Variants in XKR6 observed in about 807,000 individuals in gnomAD.
XKR6 encodes XK-related protein 6.
In XKR6, 22 loss-of-function variants were observed where a neutral mutation model predicts 56.7. The observed-to-expected ratio is 0.39, with a 90% confidence interval of 0.28 to 0.55. The LOEUF (loss-of-function observed/expected upper bound fraction) is 0.55, where lower values mean the gene tolerates loss of function less well. Among genes scored for constraint, XKR6 ranks in the 20% least tolerant of loss-of-function variants. XKR6 has a pLI of 0.66. For missense variants in XKR6, 852 were observed against 889.0 expected (o/e 0.96, Z 0.53); for synonymous variants, 524 against 387.8 (o/e 1.35, Z -4.13).
intron 1 of XKR6, among the ~76,000 whole-genome samples, chr8:11,090,480 C>T (rs1159528612): frequency 6.6e-6 from 1 of 152,018 alleles, no homozygotes; most frequent in Non-Finnish European, 1.5e-5. Context: ...GGCAATGACA[C>T]CAGCAGATGG....
intron 1 of XKR6, among the ~76,000 whole-genome samples, chr8:10,994,525 C>A (rs1225388241): frequency 6.6e-6 from 1 of 152,188 alleles, no homozygotes; most frequent in African/African-American, 2.4e-5. Context: ...CATGCCTGGT[C>A]CCCACATGGT....
chr8:10,897,992 G>C lies in XKR6; in HGVS notation c.1886C>G (p.Pro629Arg). Residue 629 changes from proline to arginine, a missense_variant, in exon 3 of 3, where the codon CCA becomes CGA. Transcript: ENST00000416569. Reference protein sequence around the residue: ...TAVGIRYRDGPLLYELLQYES... With the variant: ...TAVGIRYRDGRLLYELLQYES... ...ATACTGTAGCAACTCATAGAGGAGT[G>C]GTCCGTCTCGATATCGAATGCCTAC... The C allele has an allele frequency of 6.2e-7, 1 of 1,608,958 alleles. No individual in the cohort carries two copies. Among genetic ancestry groups the C allele is most frequent in the Non-Finnish European group, 8.5e-7 (1 of 1,177,808 alleles).
intron 2 of XKR6, among the ~76,000 whole-genome samples, chr8:10,909,857 A>G (rs1416134128): frequency 6.6e-6 from 1 of 152,210 alleles, no homozygotes; most frequent in Non-Finnish European, 1.5e-5. Context: ...CAATAATCCC[A>G]TGAGAATGCC....
intron 1 of XKR6, among the ~76,000 whole-genome samples, chr8:11,013,520 G>A (rs898805460): frequency 6.6e-6 from 1 of 152,174 alleles, no homozygotes; most frequent in African/African-American, 2.4e-5. Flanking sequence ...GATGGCAAAG[G>A]ACTTAACTGT....
chr8:10,953,148 T>C (rs775371455), intron 1 of XKR6, among the ~76,000 whole-genome samples: 6 of 152,166 alleles, frequency 3.9e-5, no homozygotes, highest in African/African-American at 7.2e-5. Flanking sequence ...ATAGTAGAAA[T>C]AAAGTGTACA....
intron 1 of XKR6, among the ~76,000 whole-genome samples, chr8:10,978,003 T>A (rs1802618748): frequency 6.6e-6 from 1 of 152,148 alleles, no homozygotes; most frequent in Admixed American, 6.6e-5. Flanking sequence ...TTTGCTCTTT[T>A]GATTAACATT....
chr8:10,899,243 G>A (rs1327270068), intron 2 of XKR6, among the ~76,000 whole-genome samples: 1 of 152,214 alleles, frequency 6.6e-6, no homozygotes, highest in Non-Finnish European at 1.5e-5. Context: ...CCGCCTTAAG[G>A]AATCATGCGA....
chr8:11,190,195 G>GA (rs1190579001), intron 1 of XKR6, among the ~76,000 whole-genome samples: 2 of 70,410 alleles, frequency 2.8e-5, no homozygotes, highest in African/African-American at 1.3e-4. Context: ...AAGAAAGAAA[G>GA]AAAGAAAGAA....
chr8:10,952,308 C>T (rs1351822033), intron 1 of XKR6, among the ~76,000 whole-genome samples: 1 of 152,214 alleles, frequency 6.6e-6, no homozygotes, highest in Non-Finnish European at 1.5e-5. Flanking sequence ...CCACTTACCA[C>T]CCACATCATC....
At chr8:11,189,298 G>A (rs1275747761) in intron 1 of XKR6, among the ~76,000 whole-genome samples, 1 of 152,216 alleles carries the variant, frequency 6.6e-6, no homozygotes, top group Non-Finnish European at 1.5e-5. Context: ...GGGATCATCT[G>A]TGTTCATAAT....
intron 2 of XKR6, among the ~76,000 whole-genome samples, chr8:10,923,208 A>G (rs1306528753): frequency 6.6e-6 from 1 of 152,218 alleles, no homozygotes. Flanking sequence ...CTGGTCCCTC[A>G]GCTCAGTGTG....
In XKR6 at chr8:10,918,506, G is replaced by A. The variant is rs185297667; in HGVS notation, c.961+6128C>T. 4.0e-3 allele frequency among the ~76,000 whole-genome samples: 603 copies of A among 152,302 alleles called. 3 individuals carry two copies. The highest frequency in any genetic ancestry group is 0.014 in the African/African-American group (577 of 41,556). ...CACAAGCCACCCTCCACTCCATCCC[G>A]TCAGCAGTGGCTGGTTTCTGCAGAA... is the stretch of plus-strand genomic sequence containing the variant. On this transcript the variant is annotated intron_variant, in intron 2 of 2. Transcript: ENST00000416569.
chr8:10,938,002 C>G (rs1050949497), intron 1 of XKR6, among the ~76,000 whole-genome samples: 1 of 151,662 alleles, frequency 6.6e-6, no homozygotes, highest in African/African-American at 2.4e-5. Context: ...CCCCCAGCCT[C>G]GCTGCCGCCT....
At chr8:10,925,469 A>G (rs1800852405) in intron 1 of XKR6, among the ~76,000 whole-genome samples, 1 of 152,156 alleles carries the variant, frequency 6.6e-6, no homozygotes, top group Non-Finnish European at 1.5e-5. Flanking sequence ...CTCCCTGGAC[A>G]TCAGGGGGAC....
At chr8:11,169,303 C>T (rs1802245565) in intron 1 of XKR6, among the ~76,000 whole-genome samples, 1 of 152,210 alleles carries the variant, frequency 6.6e-6, no homozygotes, top group Non-Finnish European at 1.5e-5. Flanking sequence ...AGACAAAGAA[C>T]TTCAGGTGCT....
At chr8:10,950,160 C>A (rs905660003) in intron 1 of XKR6, among the ~76,000 whole-genome samples, 1 of 152,144 alleles carries the variant, frequency 6.6e-6, no homozygotes, top group Admixed American at 6.5e-5. Context: ...AGCTTCCCAA[C>A]AGGTGGGGGT....
At chr8:11,007,814 T>G (rs991652454) in intron 1 of XKR6, among the ~76,000 whole-genome samples, 9 of 152,148 alleles carry the variant, frequency 5.9e-5, no homozygotes, top group Non-Finnish European at 1.0e-4. Context: ...GCAGCTCCCC[T>G]TCTCCTCTCT....
At chr8:11,169,506 A>T (rs998977557) in intron 1 of XKR6, among the ~76,000 whole-genome samples, 1 of 152,258 alleles carries the variant, frequency 6.6e-6, no homozygotes, top group African/African-American at 2.4e-5. Flanking sequence ...CCTTGAAAAC[A>T]TTATGCTAAG....
intron 1 of XKR6, among the ~76,000 whole-genome samples, chr8:10,954,503 T>C (rs1801816276): frequency 6.6e-6 from 1 of 152,234 alleles, no homozygotes; most frequent in Admixed American, 6.5e-5. Context: ...CATTTATTAA[T>C]TGGGTTTTCT....
Sources: gnomAD v4.1 joint callset for allele counts (sites outside exome capture counted in the v4.1 genomes callset) on GRCh38, gnomAD v4.1.1 for gene constraint, MANE v1.5 for transcripts, NCBI Gene and HGNC (gene_info 2026-07-23, HGNC 2026-07-21) for gene names.